Variants in CACNG2 observed in about 807,000 individuals in gnomAD.
CACNG2 encodes calcium voltage-gated channel auxiliary subunit gamma 2.
In CACNG2, 3 loss-of-function variants were observed where a neutral mutation model predicts 25.9. The observed-to-expected ratio is 0.12, with a 90% CI of 0.05 to 0.30. The LOEUF (loss-of-function observed/expected upper bound fraction) is 0.30, where lower values mean the gene tolerates loss of function less well. Ranked by LOEUF, CACNG2 falls within the 10% of genes least tolerant of loss-of-function variation. CACNG2 has a pLI of 1.00. For missense variants in CACNG2, 341 were observed against 432.5 expected, an observed-to-expected ratio of 0.79 and a Z score of 1.88; for synonymous variants, 167 against 173.3, an observed-to-expected ratio of 0.96 and a Z score of 0.29.
At chr22:36,674,419 C>G (rs181240925) in intron 1 of CACNG2, among the ~76,000 whole-genome samples, 25 of 152,340 alleles carry the variant, frequency 1.6e-4, no homozygotes, top group Non-Finnish European at 3.2e-4. Context: ...ACCTCTACCT[C>G]TTGGGCTTGA....
chr22:36,575,304 G>A (rs1235344872), intron 2 of CACNG2, among the ~76,000 whole-genome samples: 1 of 152,120 alleles, frequency 6.6e-6, no homozygotes, highest in Non-Finnish European at 1.5e-5. Flanking sequence ...TGGAACGGGT[G>A]GCCTGAGCTA....
intron 1 of CACNG2, among the ~76,000 whole-genome samples, chr22:36,688,630 C>T (rs1394845222): frequency 2.0e-5 from 3 of 151,708 alleles, no homozygotes; most frequent in Non-Finnish European, 4.4e-5. Flanking sequence ...TCTATGCACT[C>T]TGAATTTATT....
intron 3 of CACNG2, among the ~76,000 whole-genome samples, chr22:36,565,515 G>T (rs1379329768): frequency 2.7e-5 from 4 of 150,814 alleles, no homozygotes; most frequent in Non-Finnish European, 4.4e-5. Context: ...GTCTTGCTCT[G>T]TCACCCAGGC....
chr22:36,595,328 G>A (rs932792958), intron 1 of CACNG2, among the ~76,000 whole-genome samples: 7 of 152,142 alleles, frequency 4.6e-5, no homozygotes, highest in African/African-American at 1.7e-4. Flanking sequence ...GGGCCGGCTC[G>A]CCCCTGCTCA....
At chr22:36,670,459 G>A (rs757352541) in intron 1 of CACNG2, among the ~76,000 whole-genome samples, 29 of 152,060 alleles carry the variant, frequency 1.9e-4, no homozygotes, top group Non-Finnish European at 4.1e-4. Context: ...AGTCTCTCTG[G>A]GCTGTTATAA....
rs1935026976 is a variant in CACNG2, at chr22:36,561,438, T to C, written c.*2913A>G. The C allele has an allele frequency of 6.6e-6, 1 of 152,312 alleles. No individual in the cohort carries two copies. Among genetic ancestry groups the C allele is most frequent in the East Asian group, 1.9e-4 (1 of 5,198 alleles). 9.4% of individuals were successfully genotyped at this position (152,312 alleles called of 1,614,324 possible). A position where few individuals can be genotyped will look rare whatever the true frequency, so the allele number is the denominator to read the frequency against. On this transcript the variant is annotated 3_prime_UTR_variant, in exon 4 of 4. Transcript: ENST00000300105. ...TGTTGTTACCACACCTTGAATTGTC[T>C]CCCATTGTTCTGCCCCAGGGCCCAT...
intron 1 of CACNG2, among the ~76,000 whole-genome samples, chr22:36,647,919 C>T (rs1265268794): frequency 6.6e-6 from 1 of 152,232 alleles, no homozygotes; most frequent in African/African-American, 2.4e-5. Flanking sequence ...GTCTAAGCTC[C>T]ATGAAAGCAG....
chr22:36,687,119 G>A (rs1937211200), intron 1 of CACNG2, among the ~76,000 whole-genome samples: 1 of 152,190 alleles, frequency 6.6e-6, no homozygotes, highest in South Asian at 2.1e-4. Flanking sequence ...GGCAGTGGCT[G>A]GAGCTCTGGC....
chr22:36,698,536 C>A (rs543194304), intron 1 of CACNG2, among the ~76,000 whole-genome samples: 1 of 152,204 alleles, frequency 6.6e-6, no homozygotes, highest in South Asian at 2.1e-4. Context: ...TGTATCACCT[C>A]GCAGGCCATC....
chr22:36,667,173 G>T (rs1340796005), intron 1 of CACNG2, among the ~76,000 whole-genome samples: 2 of 152,106 alleles, frequency 1.3e-5, no homozygotes, highest in Admixed American at 6.5e-5. Flanking sequence ...GTTTCACCAT[G>T]TTGGCCAGGC....
At chr22:36,695,400 C>A (rs928441582) in intron 1 of CACNG2, among the ~76,000 whole-genome samples, 2 of 152,062 alleles carry the variant, frequency 1.3e-5, no homozygotes, top group Non-Finnish European at 2.9e-5. Flanking sequence ...CAGAACAGTA[C>A]CCTTTAACAA....
intron 1 of CACNG2, among the ~76,000 whole-genome samples, chr22:36,670,299 C>T (rs1936930675): frequency 6.6e-6 from 1 of 150,892 alleles, no homozygotes; most frequent in African/African-American, 2.4e-5. Context: ...AATTCTCCAT[C>T]ATCCCAGCTT....
intron 1 of CACNG2, among the ~76,000 whole-genome samples, chr22:36,676,932 TTGTG>T (rs138729815): frequency 0.025 from 3,559 of 141,732 alleles, 146 homozygotes; most frequent in African/African-American, 0.088. Context: ...TCTTCTAATA[TTGTG>T]TGTGTGTGTG....
intron 2 of CACNG2, among the ~76,000 whole-genome samples, chr22:36,568,055 G>T (rs1256247025): frequency 7.2e-5 from 11 of 152,092 alleles, no homozygotes; most frequent in Non-Finnish European, 1.0e-4. Context: ...TCACTATGTT[G>T]GCCAGGCTGG....
chr22:36,636,765 A>G (rs1433213150), intron 1 of CACNG2, among the ~76,000 whole-genome samples: 3 of 152,116 alleles, frequency 2.0e-5, no homozygotes, highest in Non-Finnish European at 2.9e-5. Context: ...CTTGAGAAAG[A>G]CATTTAATTT....
At chr22:36,675,177 C>T (rs539549720) in intron 1 of CACNG2, among the ~76,000 whole-genome samples, 2 of 152,294 alleles carry the variant, frequency 1.3e-5, no homozygotes, top group South Asian at 2.1e-4. Context: ...GTTGGGACTA[C>T]AGGCATGTAC....
intron 1 of CACNG2, among the ~76,000 whole-genome samples, chr22:36,659,648 GAGGGAGGGAATGGC>G (rs1936759785): frequency 6.8e-6 from 1 of 147,062 alleles, no homozygotes; most frequent in Non-Finnish European, 1.5e-5. Context: ...GGGGCCGGGG[GAGGGAGGGAATGGC>G]AGGGGTGGGA....
rs1174007450 is a variant in CACNG2, at chr22:36,702,427, G to A, written c.150C>T (p.Thr50=). The change falls in exon 1 of 4, where the codon ACC becomes ACT. Residue 50 remains threonine, a synonymous_variant. Coordinates refer to ENST00000300105, the MANE Select transcript of CACNG2 (RefSeq NM_006078.5). ...TCATAACTTCCTCGTTCTTTTTGCTGGTTTCATTCTCACTGACACTTTTGG... is the reference window on the plus strand; with the variant it reads ...TCATAACTTCCTCGTTCTTTTTGCTAGTTTCATTCTCACTGACACTTTTGG... ...CKTKSVSENE[T]SKKNEEVMTH... 1.2e-6 allele frequency: 2 copies of A among 1,613,912 alleles called. No individual in the cohort carries two copies. The highest frequency in any genetic ancestry group is 1.7e-5 in the Admixed American group (1 of 59,988).
At chr22:36,650,136 C>G (rs975279897) in intron 1 of CACNG2, among the ~76,000 whole-genome samples, 3 of 152,176 alleles carry the variant, frequency 2.0e-5, no homozygotes, top group African/African-American at 7.2e-5. Context: ...TCACTCAATT[C>G]TCAACTCAGC....
Sources: allele counts gnomAD v4.1 joint callset (sites outside exome capture counted in the v4.1 genomes callset), GRCh38; gene constraint gnomAD v4.1.1; transcripts MANE v1.5; gene names NCBI Gene and HGNC (gene_info 2026-07-23, HGNC 2026-07-21).